RBMS3: variants seen among roughly 807,000 people sequenced by gnomAD.
The protein encoded by RBMS3 is RNA-binding motif, single-stranded-interacting protein 3.
A neutral mutation model predicts 66.8 loss-of-function variants in RBMS3; 27 were observed. The ratio of observed to expected loss-of-function variants is 0.40; its 90% CI spans 0.30 to 0.56. The LOEUF (loss-of-function observed/expected upper bound fraction) is 0.56. Among genes scored for constraint, RBMS3 ranks in the 20% least tolerant of loss-of-function variants. The pLI is 0.40. For synonymous variants in RBMS3, 188 were observed against 183.0 expected, an observed-to-expected ratio of 1.03 and a Z score of -0.22; for missense variants, 513 against 549.5, an observed-to-expected ratio of 0.93 and a Z score of 0.66.
chr3:29,725,673 C>T (rs1050427311), intron 4 of RBMS3, among the ~76,000 whole-genome samples: 2 of 152,056 alleles, frequency 1.3e-5, no homozygotes, highest in Middle Eastern at 3.2e-3. Context: ...AAGTCAAATA[C>T]CTGAATAGAC....
chr3:29,756,693 A>G (rs546106937), intron 5 of RBMS3, among the ~76,000 whole-genome samples: 2 of 152,172 alleles, frequency 1.3e-5, no homozygotes, highest in African/African-American at 4.8e-5. Context: ...TCACCAAGCT[A>G]CCCACATTTC....
At chr3:29,728,494 CTCT>C (rs2053986109) in intron 4 of RBMS3, among the ~76,000 whole-genome samples, 1 of 152,110 alleles carries the variant, frequency 6.6e-6, no homozygotes, top group African/African-American at 2.4e-5. Context: ...ACTGTTGCAC[CTCT>C]TCTTTGCTGT....
At chr3:29,685,147 C>G (rs1367207383) in intron 4 of RBMS3, among the ~76,000 whole-genome samples, 1 of 152,136 alleles carries the variant, frequency 6.6e-6, no homozygotes, top group African/African-American at 2.4e-5. Flanking sequence ...CAAGCTCCGC[C>G]TCCCGGGTTC....
At chr3:29,771,303 C>T (rs2056188266) in intron 6 of RBMS3, among the ~76,000 whole-genome samples, 1 of 152,102 alleles carries the variant, frequency 6.6e-6, no homozygotes, top group South Asian at 2.1e-4. Flanking sequence ...TGAGAAAGAA[C>T]TTTGATGTTT....
chr3:29,368,891 G>A (rs1326230400), intron 1 of RBMS3, among the ~76,000 whole-genome samples: 1 of 152,074 alleles, frequency 6.6e-6, no homozygotes, highest in African/African-American at 2.4e-5. Context: ...ATTCACAATA[G>A]CAAAGACATA....
intron 4 of RBMS3, among the ~76,000 whole-genome samples, chr3:29,703,979 A>C (rs1012412678): frequency 6.6e-6 from 1 of 152,196 alleles, no homozygotes; most frequent in African/African-American, 2.4e-5. Context: ...TGTGAACTGC[A>C]CATGCAAGAG....
At chr3:29,808,801 T>A (rs2888165) in intron 6 of RBMS3, among the ~76,000 whole-genome samples, 58,011 of 151,648 alleles carry the variant, frequency 0.38, 11,780 homozygotes, top group Non-Finnish European at 0.46. Flanking sequence ...GGAAAAGCCT[T>A]AGAAATGCGT....
chr3:29,596,021 T>G (rs1224369014), intron 4 of RBMS3, among the ~76,000 whole-genome samples: 3 of 152,122 alleles, frequency 2.0e-5, no homozygotes, highest in African/African-American at 7.2e-5. Flanking sequence ...TTTCTCCCAT[T>G]TGGAAGTATT....
At chr3:29,795,697 TTCTC>T (rs1308976327) in intron 6 of RBMS3, among the ~76,000 whole-genome samples, 1 of 152,234 alleles carries the variant, frequency 6.6e-6, no homozygotes, top group Non-Finnish European at 1.5e-5. Context: ...AGACTCATCT[TTCTC>T]CTCTGTAAAC....
chr3:29,818,814 A>G (rs1268760602), intron 6 of RBMS3, among the ~76,000 whole-genome samples: 1 of 152,132 alleles, frequency 6.6e-6, no homozygotes, highest in Non-Finnish European at 1.5e-5. Context: ...CCTAATGTTG[A>G]ATAAGCATAA....
chr3:29,407,472 T>C (rs2040076487), intron 1 of RBMS3, among the ~76,000 whole-genome samples: 2 of 152,216 alleles, frequency 1.3e-5, no homozygotes, highest in African/African-American at 4.8e-5. Flanking sequence ...GGTTAAAATA[T>C]ACATAGTCAA....
chr3:29,505,506 G>GTTTTTT (rs749285833), intron 3 of RBMS3, among the ~76,000 whole-genome samples: 83 of 107,194 alleles, frequency 7.7e-4, no homozygotes, highest in African/African-American at 2.8e-3. Flanking sequence ...CTTCAATTTT[G>GTTTTTT]TTTTTTTTTT....
At position 30,004,947 on chromosome 3, in the gene RBMS3, A is replaced by AC. The variant is rs1699764524; in HGVS notation, c.*1085_*1086insC. The AC allele has an allele frequency of 7.3e-5, 11 of 151,340 alleles. No homozygotes were observed. The highest frequency in any genetic ancestry group is 3.3e-4 in the Admixed American group (5 of 15,120). 9.4% of individuals were successfully genotyped at this position (151,340 alleles called of 1,614,324 possible). A position where few individuals can be genotyped will look rare whatever the true frequency, so the allele number is the denominator to read the frequency against. ...GTCAAAAAGTGCAAAAAAAAAAACA[A>AC]AAAAAAAGCAATAGATAGAGAAATT... is the stretch of plus-strand genomic sequence containing the variant. On this transcript the variant is annotated 3_prime_UTR_variant, in exon 15 of 15. Transcript: ENST00000383767.
intron 5 of RBMS3, among the ~76,000 whole-genome samples, chr3:29,762,007 A>T (rs902938975): frequency 6.6e-6 from 1 of 152,124 alleles, no homozygotes; most frequent in Non-Finnish European, 1.5e-5. Context: ...AAAAGGCCAG[A>T]TATTATCCAT....
In RBMS3 at chr3:29,868,980, T is replaced by C. The variant is rs1283844246; in HGVS notation, c.744+16T>C. ...GGAAGGAGAGGTGAGTCCTGACTGA[T>C]AACATTTGCTCTGAAATTTGGCAGT... is the stretch of plus-strand genomic sequence containing the variant. On this transcript the variant is annotated intron_variant, in intron 7 of 14. Coordinates refer to ENST00000383767, the MANE Select transcript of RBMS3 (RefSeq NM_001003793.3). The C allele has an allele frequency of 6.4e-7, 1 of 1,561,768 alleles. No individual in the cohort carries two copies. Among genetic ancestry groups the C allele is most frequent in the Non-Finnish European group, 8.7e-7 (1 of 1,152,064 alleles).
intron 4 of RBMS3, among the ~76,000 whole-genome samples, chr3:29,712,276 G>T (rs565421960): frequency 6.6e-6 from 1 of 152,028 alleles, no homozygotes; most frequent in South Asian, 2.1e-4. Flanking sequence ...TTCTGGGAAA[G>T]ATTTGTATTT....
At chr3:29,421,233 G>A (rs1244749928) in intron 1 of RBMS3, among the ~76,000 whole-genome samples, 1 of 152,130 alleles carries the variant, frequency 6.6e-6, no homozygotes, top group Non-Finnish European at 1.5e-5. Context: ...GAGATGTGTA[G>A]AAAGTACTCT....
chr3:29,405,809 G>A (rs2039996195), intron 1 of RBMS3, among the ~76,000 whole-genome samples: 1 of 152,138 alleles, frequency 6.6e-6, no homozygotes, highest in Non-Finnish European at 1.5e-5. Flanking sequence ...AAATGTATTT[G>A]GTTGTTTTGG....
At chr3:29,702,114 G>A (rs1469428514) in intron 4 of RBMS3, among the ~76,000 whole-genome samples, 1 of 152,204 alleles carries the variant, frequency 6.6e-6, no homozygotes, top group Non-Finnish European at 1.5e-5. Context: ...TCAGCACCCT[G>A]TGTCTAGCTC....
Sources: allele counts gnomAD v4.1 joint callset (sites outside exome capture counted in the v4.1 genomes callset), GRCh38; gene constraint gnomAD v4.1.1; transcripts MANE v1.5; gene names NCBI Gene and HGNC (gene_info 2026-07-23, HGNC 2026-07-21).